PCCB: variants seen among roughly 807,000 people sequenced by gnomAD.
The protein encoded by PCCB is propionyl-CoA carboxylase beta chain, mitochondrial.
PCCB carries 43 observed loss-of-function variants against 60.7 expected under a neutral mutation model. The observed-to-expected ratio is 0.71, with a 90% CI of 0.55 to 0.91. PCCB has a LOEUF of 0.91. Among genes scored for constraint, PCCB ranks in the 40% least tolerant of loss-of-function variants. The pLI is 0.00. For missense variants in PCCB, 766 were observed against 702.8 expected, an observed-to-expected ratio of 1.09 and a Z score of -1.02; for synonymous variants, 276 against 255.9, an observed-to-expected ratio of 1.08 and a Z score of -0.75.
intron 6 of PCCB, among the ~76,000 whole-genome samples, chr3:136,289,670 T>TG (rs1456910536): frequency 6.6e-6 from 1 of 152,186 alleles, no homozygotes; most frequent in East Asian, 1.9e-4. Flanking sequence ...CTACCATATT[T>TG]GTTACTGTTT....
intron 6 of PCCB, among the ~76,000 whole-genome samples, chr3:136,288,942 A>G (rs947584079): frequency 1.3e-5 from 2 of 152,192 alleles, no homozygotes; most frequent in Admixed American, 1.3e-4. Context: ...AGCTGGGACT[A>G]TAGGTGTGTG....
chr3:136,278,399 A>T (rs896879048), intron 5 of PCCB, among the ~76,000 whole-genome samples: 2 of 152,152 alleles, frequency 1.3e-5, no homozygotes, highest in African/African-American at 4.8e-5. Context: ...CTTCTTGGAA[A>T]AAGAGTCACC....
At chr3:136,298,390 G>A (rs1397232594) in intron 8 of PCCB, among the ~76,000 whole-genome samples, 1 of 151,754 alleles carries the variant, frequency 6.6e-6, no homozygotes, top group African/African-American at 2.4e-5. Flanking sequence ...TTTTTGGTCT[G>A]GCCTAGTCCC....
chr3:136,264,621 C>G (rs1215239695), intron 5 of PCCB, among the ~76,000 whole-genome samples: 1 of 151,814 alleles, frequency 6.6e-6, no homozygotes, highest in Non-Finnish European at 1.5e-5. Flanking sequence ...CACCTATGAT[C>G]CCAGCACTTT....
At chr3:136,282,944 C>T (rs952687892) in intron 5 of PCCB, among the ~76,000 whole-genome samples, 1 of 152,134 alleles carries the variant, frequency 6.6e-6, no homozygotes, top group Non-Finnish European at 1.5e-5. Context: ...CCAAAATACT[C>T]GTTTTTGACA....
chr3:136,257,376 C>G (rs1941700285), intron 3 of PCCB, among the ~76,000 whole-genome samples: 1 of 152,170 alleles, frequency 6.6e-6, no homozygotes, highest in South Asian at 2.1e-4. Context: ...AACACATTTT[C>G]CCCTGGAGCC....
chr3:136,326,697 G>C, intron 10 of PCCB, 106 bp from the exon 11 acceptor site: 1 of 812,776 alleles, frequency 1.2e-6, no homozygotes, highest in Non-Finnish European at 2.2e-6. Flanking sequence ...AAGTGTTGGT[G>C]CCTCCACAGA....
At chr3:136,253,230 C>T (rs1381333269) in intron 1 of PCCB, among the ~76,000 whole-genome samples, 3 of 151,598 alleles carry the variant, frequency 2.0e-5, no homozygotes, top group Non-Finnish European at 2.9e-5. Context: ...GCTGGGACTA[C>T]GGGTGCCCAC....
At chr3:136,291,103 C>G (rs1336791185) in intron 6 of PCCB, among the ~76,000 whole-genome samples, 4 of 152,012 alleles carry the variant, frequency 2.6e-5, no homozygotes, top group African/African-American at 9.7e-5. Flanking sequence ...CATCTGCTTG[C>G]TGTCTACTCT....
At chr3:136,267,237 A>G (rs1942028571) in intron 5 of PCCB, among the ~76,000 whole-genome samples, 1 of 152,152 alleles carries the variant, frequency 6.6e-6, no homozygotes, top group Non-Finnish European at 1.5e-5. Context: ...CCTGGGCTAG[A>G]GTGCGTTAGT....
Position 136,283,945 on chromosome 3 carries a change from A to G in PCCB, c.652A>G (p.Lys218Glu), listed in dbSNP as rs781576125. 12 of 1,598,002 alleles carry G rather than the reference A, an allele frequency of 7.5e-6. No homozygotes were observed. In the South Asian group the frequency reaches 8.8e-5, roughly 12 times the overall value. The change falls in exon 6 of 15, where the codon AAG (lysine) becomes GAG (glutamate). Residue 218 changes from lysine (K) to glutamate (E), a missense_variant and splice_region_variant. Transcript: ENST00000251654. The stretch of plus-strand genomic sequence containing the variant: ...CCTAACAGACTTCACGTTCATGGTA[A>G]AGGTAAGAAAGAAGGGCCTGTTTTT... ...PALTDFTFMVKDTSYLFITGP... is the reference protein window; with the variant it reads ...PALTDFTFMVEDTSYLFITGP...
intron 8 of PCCB, among the ~76,000 whole-genome samples, chr3:136,299,248 A>G: frequency 6.6e-6 from 1 of 151,994 alleles, no homozygotes; most frequent in East Asian, 1.9e-4. Flanking sequence ...ATATATGTAT[A>G]CGTGTATGTG....
At chr3:136,290,630 G>A (rs1320477396) in intron 6 of PCCB, among the ~76,000 whole-genome samples, 1 of 138,086 alleles carries the variant, frequency 7.2e-6, no homozygotes, top group African/African-American at 2.7e-5. Flanking sequence ...GAGTGGCTGG[G>A]ACAACAGGTG....
At chr3:136,312,999 A>G (rs1251135098) in intron 9 of PCCB, among the ~76,000 whole-genome samples, 1 of 152,248 alleles carries the variant, frequency 6.6e-6, no homozygotes, top group Admixed American at 6.5e-5. Flanking sequence ...AAGATTTTCA[A>G]CTTCATACAT....
At position 136,326,908 on chromosome 3, in the gene PCCB, C is replaced by G. The variant is rs753037539; in HGVS notation, c.1196C>G (p.Pro399Arg). Residue 399 changes from proline (P) to arginine (R), a missense_variant and splice_region_variant, in exon 11 of 15, where the codon CCT (proline) becomes CGT (arginine). By Grantham distance (103) the Pro-to-Arg change is moderately radical (BLOSUM62 -2). Coordinates refer to ENST00000251654, the MANE Select transcript of PCCB (RefSeq NM_000532.5). Reference sequence around the variant, plus strand: ...TTTGTTGATGTCCCTGGCTTTCTACCTGGTAAGTTTTTGACAGAGTGGGGG... The same window carrying G: ...TTTGTTGATGTCCCTGGCTTTCTACGTGGTAAGTTTTTGACAGAGTGGGGG... ...ITFVDVPGFL[P>R]GTAQEYGGII... is the part of the protein sequence containing the mutation. The G allele has an allele frequency of 1.3e-6, 2 of 1,598,668 alleles. No homozygotes were observed. Among genetic ancestry groups the G allele is most frequent in the East Asian group, 4.5e-5 (2 of 44,812 alleles).
chr3:136,313,891 G>C (rs1299995639), intron 9 of PCCB, among the ~76,000 whole-genome samples: 1 of 152,172 alleles, frequency 6.6e-6, no homozygotes, highest in East Asian at 1.9e-4. Context: ...GCCAGATTCT[G>C]CTATCGGAGA....
chr3:136,302,325 C>T (rs1322929728), intron 9 of PCCB, among the ~76,000 whole-genome samples: 2 of 121,724 alleles, frequency 1.6e-5, no homozygotes, highest in African/African-American at 5.0e-5. Context: ...AGTCTTTCAA[C>T]AGACGCCAGA....
In PCCB at chr3:136,328,866, CTG is replaced by C. The variant is rs770922237; in HGVS notation, c.1498+12_1498+13del. Reference sequence around the variant, plus strand: ...CCCTGCAGCAGTGCGAGGTAGGGGACTGTGGTGAAGAGGGCAGCTTTGTTTGT... The same window carrying C: ...CCCTGCAGCAGTGCGAGGTAGGGGACTGGTGAAGAGGGCAGCTTTGTTTGT... On this transcript the variant is annotated intron_variant, in intron 14 of 14. Coordinates refer to ENST00000251654, the MANE Select transcript of PCCB (RefSeq NM_000532.5). 15 of 1,601,098 alleles carry C rather than the reference CTG, an allele frequency of 9.4e-6. No individual in the cohort carries two copies. Among genetic ancestry groups the C allele is most frequent in the South Asian group, 7.7e-5 (7 of 90,784 alleles).
At chr3:136,312,635 C>G (rs1349705372) in intron 9 of PCCB, among the ~76,000 whole-genome samples, 1 of 152,140 alleles carries the variant, frequency 6.6e-6, no homozygotes, top group Non-Finnish European at 1.5e-5. Context: ...TAAATATAAT[C>G]TGTGAATCCA....
Sources: allele counts gnomAD v4.1 joint callset (sites outside exome capture counted in the v4.1 genomes callset), GRCh38; gene constraint gnomAD v4.1.1; transcripts MANE v1.5; gene names NCBI Gene and HGNC (gene_info 2026-07-23, HGNC 2026-07-21).